Variants in SLC6A11 observed in about 807,000 individuals in gnomAD.
SLC6A11 encodes solute carrier family 6 member 11.
In SLC6A11, 25 loss-of-function variants were observed where a neutral mutation model predicts 74.8. The observed-to-expected ratio is 0.33, with a 90% CI of 0.24 to 0.47. The LOEUF (loss-of-function observed/expected upper bound fraction) is 0.47, where lower values mean the gene tolerates loss of function less well. Ranked by LOEUF, SLC6A11 falls within the 20% of genes least tolerant of loss-of-function variation. SLC6A11 has a pLI of 1.00. For missense variants in SLC6A11, 574 were observed against 837.0 expected, an observed-to-expected ratio of 0.69 and a Z score of 3.88; for synonymous variants, 330 against 330.2, an observed-to-expected ratio of 1.00 and a Z score of 0.01.
intron 6 of SLC6A11, among the ~76,000 whole-genome samples, chr3:10,884,246 C>A (rs1431233093): frequency 6.6e-6 from 1 of 152,178 alleles, no homozygotes; most frequent in Admixed American, 6.5e-5. Context: ...TGAAACGCTG[C>A]TTGGGTACTC....
intron 6 of SLC6A11, among the ~76,000 whole-genome samples, chr3:10,888,279 A>C (rs1378726846): frequency 1.3e-5 from 2 of 152,214 alleles, no homozygotes; most frequent in Non-Finnish European, 1.5e-5. Flanking sequence ...GAAAAAGCAC[A>C]TTATAGCTGT....
intron 7 of SLC6A11, 131 bp downstream of exon 7, chr3:10,912,324 T>C (rs1207756681): frequency 1.5e-6 from 1 of 667,448 alleles, no homozygotes; most frequent in Non-Finnish European, 2.7e-6. Flanking sequence ...TTTGTTGGCC[T>C]CCCACTACCG....
intron 9 of SLC6A11, among the ~76,000 whole-genome samples, chr3:10,928,138 A>G (rs1354920813): frequency 6.6e-6 from 1 of 152,144 alleles, no homozygotes; most frequent in East Asian, 1.9e-4. Flanking sequence ...ACTGCCTAAA[A>G]CAGCCTGGCA....
At chr3:10,848,899 T>TC (rs1171991898) in intron 5 of SLC6A11, among the ~76,000 whole-genome samples, 3 of 152,172 alleles carry the variant, frequency 2.0e-5, no homozygotes, top group African/African-American at 7.2e-5. Context: ...GCAAGATTTG[T>TC]CCAAAGCTAC....
At chr3:10,838,208 C>G (rs1559556007) in intron 4 of SLC6A11, among the ~76,000 whole-genome samples, 2 of 152,226 alleles carry the variant, frequency 1.3e-5, no homozygotes, top group African/African-American at 4.8e-5. Flanking sequence ...TGCTCCAGCT[C>G]TGCTCTCTGG....
chr3:10,891,816 A>C (rs1029732621), intron 6 of SLC6A11, among the ~76,000 whole-genome samples: 1 of 152,202 alleles, frequency 6.6e-6, no homozygotes, highest in African/African-American at 2.4e-5. Context: ...ACATGGAATC[A>C]GGTCCTGTCT....
chr3:10,928,179 C>T (rs572546731), intron 9 of SLC6A11, among the ~76,000 whole-genome samples: 3 of 152,078 alleles, frequency 2.0e-5, no homozygotes, highest in Non-Finnish European at 2.9e-5. Context: ...TGCTATTATT[C>T]GTGTTATTAT....
intron 5 of SLC6A11, among the ~76,000 whole-genome samples, chr3:10,867,347 T>C (rs1405719488): frequency 1.3e-5 from 2 of 152,222 alleles, no homozygotes; most frequent in African/African-American, 4.8e-5. Flanking sequence ...TGACCTAGAA[T>C]TCCCTAGGCT....
chr3:10,900,572 T>C (rs915466864), intron 6 of SLC6A11, among the ~76,000 whole-genome samples: 1 of 152,242 alleles, frequency 6.6e-6, no homozygotes, highest in African/African-American at 2.4e-5. Flanking sequence ...CTCCCAAGGA[T>C]GTCTTTTCTA....
chr3:10,872,666 C>A (rs1694841001), intron 5 of SLC6A11, among the ~76,000 whole-genome samples: 1 of 152,140 alleles, frequency 6.6e-6, no homozygotes, highest in Non-Finnish European at 1.5e-5. Context: ...GTTCTTAGTA[C>A]ATGAGAGTGT....
At chr3:10,829,919 T>C (rs914870029) in intron 4 of SLC6A11, among the ~76,000 whole-genome samples, 2 of 152,214 alleles carry the variant, frequency 1.3e-5, no homozygotes, top group Non-Finnish European at 1.5e-5. Flanking sequence ...TGCATTTTTT[T>C]CTTCACTTAA....
chr3:10,817,474 C>T (rs1379302170), intron 1 of SLC6A11, among the ~76,000 whole-genome samples: 1 of 152,174 alleles, frequency 6.6e-6, no homozygotes, highest in Non-Finnish European at 1.5e-5. Flanking sequence ...GGCAGGACAG[C>T]TGGGCGGGTC....
intron 6 of SLC6A11, among the ~76,000 whole-genome samples, chr3:10,895,348 T>C (rs1331662132): frequency 6.6e-6 from 1 of 152,146 alleles, no homozygotes; most frequent in Non-Finnish European, 1.5e-5. Flanking sequence ...ACTTTTTTTT[T>C]CTAATCTTAT....
intron 7 of SLC6A11, among the ~76,000 whole-genome samples, chr3:10,917,607 T>A (rs1161745301): frequency 6.6e-6 from 1 of 152,194 alleles, no homozygotes; most frequent in Non-Finnish European, 1.5e-5. Flanking sequence ...ACCGTCTTCA[T>A]CTTGACAAAG....
At chr3:10,937,423 C>T (rs1228471318) in intron 13 of SLC6A11, among the ~76,000 whole-genome samples, 2 of 152,236 alleles carry the variant, frequency 1.3e-5, no homozygotes, top group African/African-American at 4.8e-5. Context: ...TGTGCCACAG[C>T]AGGCACAGCA....
At chr3:10,899,461 A>G (rs562088302) in intron 6 of SLC6A11, among the ~76,000 whole-genome samples, 1 of 152,294 alleles carries the variant, frequency 6.6e-6, no homozygotes, top group Non-Finnish European at 1.5e-5. Context: ...GCATTTTCCT[A>G]CTTGGGAACT....
At chr3:10,894,945 G>A (rs1695152623) in intron 6 of SLC6A11, among the ~76,000 whole-genome samples, 1 of 152,142 alleles carries the variant, frequency 6.6e-6, no homozygotes, top group South Asian at 2.1e-4. Context: ...AAAATAATTT[G>A]GAGCATATTT....
At chr3:10,825,160 G>T (rs1694191217) in intron 4 of SLC6A11, 1 of 139,246 alleles carries the variant, frequency 7.2e-6, no homozygotes, top group Non-Finnish European at 1.5e-5. Context: ...TCCAGCCTGG[G>T]TGACAGAGCG....
At chr3:10,873,633 T>C (rs1694865590) in intron 5 of SLC6A11, among the ~76,000 whole-genome samples, 1 of 145,546 alleles carries the variant, frequency 6.9e-6, no homozygotes, top group South Asian at 2.3e-4. Flanking sequence ...TCCTATCCTG[T>C]CCTGTCCTGT....
Sources: allele counts gnomAD v4.1 joint callset (sites outside exome capture counted in the v4.1 genomes callset), GRCh38; gene constraint gnomAD v4.1.1; transcripts MANE v1.5; gene names NCBI Gene and HGNC (gene_info 2026-07-23, HGNC 2026-07-21).